Variants in PARVB observed in about 807,000 individuals in gnomAD.
PARVB encodes parvin beta.
PARVB carries 46 observed loss-of-function variants against 47.0 expected under a neutral mutation model. The observed-to-expected ratio is 0.98, with a 90% CI of 0.77 to 1.25. The LOEUF (loss-of-function observed/expected upper bound fraction) is 1.25, where lower values mean the gene tolerates loss of function less well. Ranked by LOEUF, PARVB falls within the 50% of genes most tolerant of loss-of-function variation. PARVB has a pLI of 0.00. For synonymous variants in PARVB, 196 were observed against 196.3 expected (o/e 1.00, Z 0.01); for missense variants, 473 against 471.6 (o/e 1.00, Z -0.03).
chr22:44,133,860 A>G (rs371563589), intron 6 of PARVB, among the ~76,000 whole-genome samples: 1 of 152,298 alleles, frequency 6.6e-6, no homozygotes, highest in East Asian at 1.9e-4. Context: ...ATTTAAGTGG[A>G]CAGTCGCTGC....
intron 1 of PARVB, among the ~76,000 whole-genome samples, chr22:44,075,253 C>T (rs1374860791): frequency 2.0e-5 from 3 of 152,216 alleles, no homozygotes; most frequent in Non-Finnish European, 4.4e-5. Flanking sequence ...CATGCATACA[C>T]TCACTCATAT....
Position 44,068,079 on chromosome 22 carries a change from G to A in PARVB, c.113-25849G>A, listed in dbSNP as rs1010145664. On this transcript the variant is annotated intron_variant, in intron 1 of 12. Transcript: ENST00000338758. The surrounding 1 kb of genome is among the most constrained non-coding windows in gnomAD (Gnocchi z 4.1). ...TGCTGGGTCGGGACATGGGCCTCCC[G>A]TGGGCCTCACCGCTTCCTGCTTCAG... 6.8e-6 allele frequency among the ~76,000 whole-genome samples: 1 copy of A among 148,132 alleles called. No individual in the cohort carries two copies. Among genetic ancestry groups the A allele is most frequent in the Non-Finnish European group, 1.5e-5 (1 of 67,176 alleles).
At chr22:44,168,372 G>A in intron 12 of PARVB, 1 of 511,044 alleles carries the variant, frequency 2.0e-6, no homozygotes, top group East Asian at 3.5e-5. Context: ...GTCACCCCAG[G>A]TGCCTGTCCC....
chr22:44,055,678 CTATA>C (rs3083346), intron 1 of PARVB, among the ~76,000 whole-genome samples: 55 of 142,762 alleles, frequency 3.9e-4, no homozygotes, highest in African/African-American at 1.2e-3. Context: ...CTCTCTCTCT[CTATA>C]TATATATATA....
intron 1 of PARVB, among the ~76,000 whole-genome samples, chr22:44,047,376 C>T (rs2051133008): frequency 6.6e-6 from 1 of 152,142 alleles, no homozygotes; most frequent in Non-Finnish European, 1.5e-5. Context: ...TATTCATCTC[C>T]CAGGGCTGTG....
chr22:44,145,210 G>C (rs1411503745), intron 8 of PARVB: 1 of 152,354 alleles, frequency 6.6e-6, no homozygotes, highest in South Asian at 2.1e-4. Context: ...GGCAGGGGCT[G>C]TGAGAATGCT....
At chr22:44,073,473 G>T (rs1055357973) in intron 1 of PARVB, among the ~76,000 whole-genome samples, 1 of 152,182 alleles carries the variant, frequency 6.6e-6, no homozygotes, top group Admixed American at 6.5e-5. Context: ...TAGCCTGGGC[G>T]ACAGAGTGAG....
At chr22:44,026,146 G>A (rs1464021834) in intron 1 of PARVB, among the ~76,000 whole-genome samples, 1 of 152,204 alleles carries the variant, frequency 6.6e-6, no homozygotes, top group African/African-American at 2.4e-5. Context: ...CTCGGAATAG[G>A]AAGAACACAC....
At chr22:44,002,459 A>G (rs1260066583) in intron 2 of PARVB, among the ~76,000 whole-genome samples, 2 of 152,186 alleles carry the variant, frequency 1.3e-5, no homozygotes, top group Non-Finnish European at 2.9e-5. Context: ...TATCGAGAGA[A>G]ACAAAAGCGA....
intron 7 of PARVB, 147 bp from the exon 8 acceptor site, chr22:44,139,977 G>A: frequency 1.3e-6 from 1 of 740,892 alleles, no homozygotes; most frequent in East Asian, 2.4e-5. Context: ...AGCACCATGT[G>A]ACTTGCGTTC....
In PARVB at chr22:44,168,564, A is replaced by G. The variant is rs781629419; in HGVS notation, c.1019-38A>G. On this transcript the variant is annotated intron_variant, in intron 12 of 12. Coordinates refer to ENST00000338758, the MANE Select transcript of PARVB (RefSeq NM_013327.5). ...GAGTACCTACCGCAATGACAGGAGG[A>G]TGGCACGCCTCTGAAGTTTCTCTGT... 2.1e-6 allele frequency: 3 copies of G among 1,402,952 alleles called. No individual in the cohort carries two copies. The South Asian group carries it at 3.5e-5, about 16-fold the overall frequency. 86.9% of individuals were successfully genotyped at this position (1,402,952 alleles called of 1,614,324 possible).
chr22:44,133,035 G>A (rs368804118), intron 6 of PARVB, 26 bp downstream of exon 6: 1 of 1,517,968 alleles, frequency 6.6e-7, no homozygotes, highest in Non-Finnish European at 9.1e-7. Flanking sequence ...TGGTCGGCCT[G>A]CCTGTAACTC....
At chr22:44,166,419 G>GT (rs2054168701) in intron 12 of PARVB, among the ~76,000 whole-genome samples, 1 of 152,214 alleles carries the variant, frequency 6.6e-6, no homozygotes, top group African/African-American at 2.4e-5. Flanking sequence ...CCTTTGTCCC[G>GT]TTTTTGAGGA....
At chr22:44,070,193 C>T (rs1479538260) in intron 1 of PARVB, among the ~76,000 whole-genome samples, 1 of 152,168 alleles carries the variant, frequency 6.6e-6, no homozygotes, top group Non-Finnish European at 1.5e-5. Context: ...TAAGCTGAAG[C>T]CCAGAGAGGT....
At chr22:44,119,419 C>T (rs1211399284) in intron 4 of PARVB, among the ~76,000 whole-genome samples, 1 of 152,224 alleles carries the variant, frequency 6.6e-6, no homozygotes, top group East Asian at 1.9e-4. Flanking sequence ...GTCTCAGGCC[C>T]ACTTTGTGTC....
At chr22:44,164,338 T>A (rs2054118004) in intron 12 of PARVB, among the ~76,000 whole-genome samples, 1 of 152,098 alleles carries the variant, frequency 6.6e-6, no homozygotes, top group Non-Finnish European at 1.5e-5. Context: ...AGCAGGGACT[T>A]GGCATGCTCT....
intron 11 of PARVB, among the ~76,000 whole-genome samples, chr22:44,163,309 A>T (rs903387245): frequency 6.6e-6 from 1 of 152,078 alleles, no homozygotes; most frequent in African/African-American, 2.4e-5. Context: ...TCTCTAAAAA[A>T]AATAATAATA....
intron 1 of PARVB, among the ~76,000 whole-genome samples, chr22:44,024,910 G>T (rs553495306): frequency 1.3e-5 from 2 of 152,260 alleles, no homozygotes; most frequent in Non-Finnish European, 2.9e-5. Flanking sequence ...GGCTCAGGGC[G>T]TGCAGGGCTG....
At chr22:44,121,029 G>C (rs1268811558) in intron 4 of PARVB, among the ~76,000 whole-genome samples, 1 of 152,060 alleles carries the variant, frequency 6.6e-6, no homozygotes, top group Non-Finnish European at 1.5e-5. Flanking sequence ...TTTTAGTAGA[G>C]ATGGAGTTTC....
Sources: gnomAD v4.1 joint callset for allele counts (sites outside exome capture counted in the v4.1 genomes callset) on GRCh38, gnomAD v4.1.1 for gene constraint, Gnocchi (gnomAD v3.1) non-coding constraint, MANE v1.5 for transcripts, NCBI Gene and HGNC (gene_info 2026-07-23, HGNC 2026-07-21) for gene names.